The following PDE10A variants were observed in gnomAD, a reference collection of about 807,000 sequenced individuals.
The protein encoded by PDE10A is phosphodiesterase 10A, also known as cAMP and cAMP-inhibited cGMP 3',5'-cyclic phosphodiesterase 10A.
PDE10A carries 39 observed loss-of-function variants against 97.7 expected under a neutral mutation model. That is an observed-to-expected ratio of 0.40 (90% confidence interval 0.31 to 0.52). The LOEUF (loss-of-function observed/expected upper bound fraction) is 0.52. PDE10A is among the 20% of genes least tolerant of loss of function. The pLI is 0.56. For synonymous variants in PDE10A, 371 were observed against 376.8 expected, an observed-to-expected ratio of 0.98 and a Z score of 0.18; for missense variants, 731 against 1,047.8, an observed-to-expected ratio of 0.70 and a Z score of 4.17.
At chr6:165,501,330 G>A (rs895300815) in intron 2 of PDE10A, among the ~76,000 whole-genome samples, 1 of 152,132 alleles carries the variant, frequency 6.6e-6, no homozygotes, top group Non-Finnish European at 1.5e-5. Flanking sequence ...GGGAGGCCCA[G>A]GCAGGCAGAT....
chr6:165,341,493 T>C (rs2128179409), intron 19 of PDE10A, among the ~76,000 whole-genome samples: 1 of 152,324 alleles, frequency 6.6e-6, no homozygotes, highest in South Asian at 2.1e-4. Context: ...CGTGCATTTT[T>C]AGTATGAGAT....
At chr6:165,985,740 T>TG (rs1034442717) in intron 1 of PDE10A, among the ~76,000 whole-genome samples, 7 of 152,054 alleles carry the variant, frequency 4.6e-5, no homozygotes, top group African/African-American at 1.7e-4. Context: ...CCATCCCCAG[T>TG]ACGGTGTGTC....
At chr6:165,534,311 C>CAAA (rs71029552) in intron 2 of PDE10A, among the ~76,000 whole-genome samples, 3 of 130,772 alleles carry the variant, frequency 2.3e-5, no homozygotes, top group Admixed American at 7.5e-5. Flanking sequence ...AGTCTTCCAT[C>CAAA]AAAAAAAAAA....
intron 2 of PDE10A, among the ~76,000 whole-genome samples, chr6:165,529,066 G>T (rs1782619451): frequency 6.6e-6 from 1 of 152,096 alleles, no homozygotes; most frequent in South Asian, 2.1e-4. Flanking sequence ...TCTCCTAGAG[G>T]TCTTATTTCC....
chr6:165,538,890 T>C (rs1193937388), intron 2 of PDE10A, among the ~76,000 whole-genome samples: 2 of 152,192 alleles, frequency 1.3e-5, no homozygotes, highest in East Asian at 1.9e-4. Flanking sequence ...TCTTGAAGGG[T>C]ACCAGCTGGA....
chr6:165,763,610 A>C (rs1793304461), intron 1 of PDE10A, among the ~76,000 whole-genome samples: 1 of 152,230 alleles, frequency 6.6e-6, no homozygotes, highest in African/African-American at 2.4e-5. Context: ...GGTGCGAGCC[A>C]CTGTGCCCAG....
At chr6:165,765,901 ATTACTT>A in intron 1 of PDE10A, among the ~76,000 whole-genome samples, 1 of 152,368 alleles carries the variant, frequency 6.6e-6, no homozygotes, top group Non-Finnish European at 1.5e-5. Flanking sequence ...TTCCATCGCA[ATTACTT>A]TTAAACAGTG....
At chr6:165,760,188 G>A (rs886068984) in intron 1 of PDE10A, among the ~76,000 whole-genome samples, 8 of 152,198 alleles carry the variant, frequency 5.3e-5, no homozygotes, top group Non-Finnish European at 8.8e-5. Flanking sequence ...AGTTGATACA[G>A]CAAAAGTACA....
chr6:165,595,060 T>A (rs1786504373), intron 1 of PDE10A, among the ~76,000 whole-genome samples: 1 of 152,170 alleles, frequency 6.6e-6, no homozygotes, highest in Admixed American at 6.5e-5. Flanking sequence ...GTGAGTCAAT[T>A]CTGAAACCCA....
chr6:165,839,823 T>C (rs1780173941), intron 1 of PDE10A, among the ~76,000 whole-genome samples: 1 of 143,814 alleles, frequency 7.0e-6, no homozygotes. Flanking sequence ...CATCCCCATC[T>C]CCAATCTCGT....
At chr6:165,817,578 T>C (rs1779453404) in intron 1 of PDE10A, among the ~76,000 whole-genome samples, 1 of 152,144 alleles carries the variant, frequency 6.6e-6, no homozygotes, top group South Asian at 2.1e-4. Flanking sequence ...ACACCCTAGA[T>C]GTAGTTAAAC....
intron 3 of PDE10A, among the ~76,000 whole-genome samples, chr6:165,455,501 T>C (rs1425009418): frequency 4.6e-5 from 7 of 152,166 alleles, no homozygotes; most frequent in Admixed American, 4.6e-4. Context: ...ATCAATTAAT[T>C]ACTATGACCA....
At chr6:165,702,901 T>C (rs1445307624) in intron 1 of PDE10A, among the ~76,000 whole-genome samples, 6 of 152,262 alleles carry the variant, frequency 3.9e-5, no homozygotes, top group African/African-American at 1.4e-4. Flanking sequence ...GGACCTGCCG[T>C]GGGAAAGGCT....
chr6:165,419,775 G>A (rs77700244), intron 10 of PDE10A, among the ~76,000 whole-genome samples: 43 of 152,042 alleles, frequency 2.8e-4, no homozygotes, highest in African/African-American at 8.7e-4. Context: ...ATTATTCCTC[G>A]GAGAAAAAGA....
In PDE10A at chr6:165,392,662, A is replaced by T. The variant is rs374152083; in HGVS notation, c.2438T>A (p.Leu813His). ...CACACCCACCTCAAGGTCTGTGAAA[A>T]GCGTGTGATTGTTCTGAAGTATGGC... is the stretch of plus-strand genomic sequence containing the variant. ...MYAILQNNHT[L>H]FTDLERKGLL... Residue 813 changes from leucine (L) to histidine (H), a missense_variant, in exon 16 of 22, where the codon CTT (leucine) becomes CAT (histidine). Transcript: ENST00000539869. 32 of 1,613,814 alleles carry T rather than the reference A, an allele frequency of 2.0e-5. No homozygotes were observed. Among genetic ancestry groups the T allele is most frequent in the Non-Finnish European group, 1.7e-6 (2 of 1,179,824 alleles).
intron 1 of PDE10A, among the ~76,000 whole-genome samples, chr6:165,630,705 G>A (rs1788589493): frequency 6.6e-6 from 1 of 152,122 alleles, no homozygotes. Context: ...AATTCTTGGA[G>A]ATACATATAT....
intron 3 of PDE10A, among the ~76,000 whole-genome samples, chr6:165,456,138 T>C (rs1777941875): frequency 6.6e-6 from 1 of 152,214 alleles, no homozygotes; most frequent in African/African-American, 2.4e-5. Flanking sequence ...CTTATTCCAC[T>C]TATTCCAACC....
intron 1 of PDE10A, among the ~76,000 whole-genome samples, chr6:165,649,245 T>G (rs1379641167): frequency 6.6e-6 from 1 of 151,882 alleles, no homozygotes; most frequent in South Asian, 2.1e-4. Flanking sequence ...GCAGCTAAAA[T>G]AAAACCAAGC....
chr6:165,913,273 TACACACACACACAC>T (rs58740333), intron 1 of PDE10A, among the ~76,000 whole-genome samples: 68 of 148,012 alleles, frequency 4.6e-4, no homozygotes, highest in African/African-American at 1.5e-3. Flanking sequence ...ACTCAACTTG[TACACACACACACAC>T]ACACACACAC....
Sources: gnomAD v4.1 joint callset for allele counts (sites outside exome capture counted in the v4.1 genomes callset) on GRCh38, gnomAD v4.1.1 for gene constraint, MANE v1.5 for transcripts, NCBI Gene and HGNC (gene_info 2026-07-23, HGNC 2026-07-21) for gene names.